The following LINGO2 variants were observed in gnomAD, a reference collection of about 807,000 sequenced individuals.
LINGO2 encodes the protein leucine-rich repeat and immunoglobulin-like domain-containing nogo receptor-interacting protein 2.
A neutral mutation model predicts 30.6 loss-of-function variants in LINGO2; 14 were observed. That is an observed-to-expected ratio of 0.46 (90% CI 0.30 to 0.72). The LOEUF is 0.72. Among genes scored for constraint, LINGO2 ranks in the 30% least tolerant of loss-of-function variants. LINGO2 has a pLI of 0.07. For synonymous variants in LINGO2, 317 were observed against 288.5 expected (o/e 1.10, Z -1.00); for missense variants, 729 against 751.7 (o/e 0.97, Z 0.35).
At chr9:28,454,900 T>C (rs1471072638) in intron 2 of LINGO2, among the ~76,000 whole-genome samples, 2 of 152,068 alleles carry the variant, frequency 1.3e-5, no homozygotes, top group Non-Finnish European at 2.9e-5. Flanking sequence ...AAAATACTAC[T>C]TAACCATCTG....
rs565544397 is a variant in LINGO2 at position 28,318,067 on chromosome 9, C to T, written c.-245-22701G>A. On this transcript the variant is annotated intron_variant, in intron 3 of 5. Coordinates refer to ENST00000379992, the Ensembl canonical transcript of LINGO2. ...ACTGAGTTGAAACAGGTACCTGGCC[C>T]TTCATCCCACCAGGATTCCCATGTT... Among the ~76,000 whole-genome samples, 25 of 152,310 alleles carry T rather than the reference C, an allele frequency of 1.6e-4. No individual in the cohort carries two copies. In the South Asian group the frequency reaches 5.0e-3, roughly 30 times the overall value.
the LINGO2 span, among the ~76,000 whole-genome samples, chr9:28,822,947 C>A: frequency 6.6e-6 from 1 of 152,054 alleles, no homozygotes; most frequent in Non-Finnish European, 1.5e-5. Flanking sequence ...AAAAAATATA[C>A]TTTTTTATGT....
exon 6 of LINGO2, chr9:27,950,597 G>T (rs1159461384): frequency 6.6e-7 from 1 of 1,522,684 alleles, no homozygotes; most frequent in Non-Finnish European, 8.8e-7. Flanking sequence ...GGCAGCCAAT[G>T]GTGGATCCCA....
intron 4 of LINGO2, among the ~76,000 whole-genome samples, chr9:28,226,663 GAA>G (rs1821170869): frequency 2.2e-5 from 2 of 89,958 alleles, no homozygotes; most frequent in African/African-American, 6.1e-5. Context: ...AAGAAAGAAA[GAA>G]AGAAAGAAAG....
At chr9:27,993,460 C>T (rs1821498652) in intron 5 of LINGO2, among the ~76,000 whole-genome samples, 1 of 151,998 alleles carries the variant, frequency 6.6e-6, no homozygotes, top group South Asian at 2.1e-4. Flanking sequence ...TTGCTTGAGC[C>T]CAGGAGGTTG....
intron 4 of LINGO2, among the ~76,000 whole-genome samples, chr9:28,222,286 G>A (rs1332393529): frequency 6.6e-6 from 1 of 152,118 alleles, no homozygotes; most frequent in Non-Finnish European, 1.5e-5. Flanking sequence ...CTTGGTATAA[G>A]TGTAATTTAA....
intron 1 of LINGO2, among the ~76,000 whole-genome samples, chr9:28,661,102 T>C (rs1828565602): frequency 6.6e-6 from 1 of 152,152 alleles, no homozygotes; most frequent in Non-Finnish European, 1.5e-5. Flanking sequence ...GTCTTGTTTC[T>C]GGGATGGGCT....
chr9:28,174,740 C>G (rs1039050360), intron 4 of LINGO2, among the ~76,000 whole-genome samples: 2 of 152,272 alleles, frequency 1.3e-5, no homozygotes, highest in Non-Finnish European at 2.9e-5. Flanking sequence ...AGACTGAAAG[C>G]TCTGTAGAGT....
intron 5 of LINGO2, among the ~76,000 whole-genome samples, chr9:27,990,181 A>C (rs1439281387): frequency 6.6e-6 from 1 of 152,046 alleles, no homozygotes; most frequent in Non-Finnish European, 1.5e-5. Context: ...TGAAATTGCC[A>C]ATATTCTACC....
the LINGO2 span, among the ~76,000 whole-genome samples, chr9:28,940,315 T>C: frequency 3.3e-5 from 5 of 152,254 alleles, no homozygotes; most frequent in African/African-American, 1.2e-4. Context: ...AAATGCCTAC[T>C]TGTGCTCCTT....
chr9:28,453,179 C>A (rs569569341), intron 2 of LINGO2, among the ~76,000 whole-genome samples: 1 of 151,846 alleles, frequency 6.6e-6, no homozygotes, highest in East Asian at 1.9e-4. Context: ...GTGTTCCAAC[C>A]ACTATGCTAG....
chr9:29,105,956 A>G, the LINGO2 span, among the ~76,000 whole-genome samples: 1 of 152,166 alleles, frequency 6.6e-6, no homozygotes, highest in East Asian at 1.9e-4. Context: ...AAACCATCAC[A>G]TGAGGACACA....
chr9:28,188,591 CA>C (rs1819628307), intron 4 of LINGO2, among the ~76,000 whole-genome samples: 1 of 152,058 alleles, frequency 6.6e-6, no homozygotes, highest in Non-Finnish European at 1.5e-5. Context: ...TTGGGACAAT[CA>C]AATTTTTTCT....
chr9:28,702,935 T>C, the LINGO2 span, among the ~76,000 whole-genome samples: 2 of 151,902 alleles, frequency 1.3e-5, no homozygotes, highest in Non-Finnish European at 2.9e-5. Flanking sequence ...TTAATAGTCT[T>C]CCTTTATCAA....
Position 27,968,498 on chromosome 9 carries a change from C to A in LINGO2, c.-35-17792G>T, listed in dbSNP as rs1374012251. 4.6e-5 allele frequency among the ~76,000 whole-genome samples: 7 copies of A among 151,956 alleles called. No individual in the cohort carries two copies. The East Asian group carries it at 1.2e-3, about 25-fold the overall frequency. On this transcript the variant is annotated intron_variant, in intron 5 of 5. Transcript: ENST00000379992. ...ATAGTTAAGGAAAAATACCTTCATG[C>A]ATAAAGCAAAAGAATGAAAGGAAAT...
intron 1 of LINGO2, among the ~76,000 whole-genome samples, chr9:28,552,924 G>C (rs7847252): frequency 2.0e-5 from 3 of 150,772 alleles, no homozygotes; most frequent in Non-Finnish European, 3.0e-5. Flanking sequence ...TCGAGATGAA[G>C]AACCTTTTCT....
At chr9:28,280,377 A>G (rs1823276858) in intron 4 of LINGO2, among the ~76,000 whole-genome samples, 1 of 152,176 alleles carries the variant, frequency 6.6e-6, no homozygotes, top group Non-Finnish European at 1.5e-5. Context: ...AACTCAGGGT[A>G]ATATGGGAAT....
intron 5 of LINGO2, among the ~76,000 whole-genome samples, chr9:27,964,615 T>C (rs988349938): frequency 5.3e-5 from 8 of 152,096 alleles, no homozygotes; most frequent in Non-Finnish European, 8.8e-5. Flanking sequence ...CTATTGTCTC[T>C]TTATAATTTA....
chr9:29,191,894 G>A, the LINGO2 span, among the ~76,000 whole-genome samples: 52,529 of 151,824 alleles, frequency 0.35, 10,860 homozygotes, highest in Admixed American at 0.49. Context: ...TCTCTTTTCT[G>A]TGGATTTTTT....
Sources: gnomAD v4.1 joint callset for allele counts (sites outside exome capture counted in the v4.1 genomes callset) on GRCh38, gnomAD v4.1.1 for gene constraint, MANE v1.5 for transcripts, NCBI Gene and HGNC (gene_info 2026-07-23, HGNC 2026-07-21) for gene names.